CNTN3: variants seen among roughly 807,000 people sequenced by gnomAD.
CNTN3 encodes the protein contactin 3.
CNTN3 carries 60 observed loss-of-function variants against 119.1 expected under a neutral mutation model. The observed-to-expected ratio is 0.50, with a 90% CI of 0.41 to 0.62. The LOEUF is 0.62. CNTN3 is among the 20% of genes least tolerant of loss of function. The probability of loss-of-function intolerance (pLI) is 0.00; values close to 1 mark genes in which losing one functional copy is unlikely to be tolerated. For synonymous variants in CNTN3, 450 were observed against 438.7 expected (o/e 1.03, Z -0.32); for missense variants, 1,101 against 1,242.4 (o/e 0.89, Z 1.71).
At position 74,432,133 on chromosome 3, in the gene CNTN3, G is replaced by C. The variant is rs144912875; in HGVS notation, c.359-7193C>G. On this transcript the variant is annotated intron_variant, in intron 4 of 22. Transcript: ENST00000263665. ...ACATCATTACATGAACAGTGTAAAT[G>C]ACAAGATTGCCTTTGAAAGAATCAG... Among the ~76,000 whole-genome samples the C allele has an allele frequency of 2.1e-3, 324 of 152,254 alleles. 1 individual carries two copies. Among genetic ancestry groups the C allele is most frequent in the African/African-American group, 7.4e-3 (308 of 41,546 alleles).
intron 13 of CNTN3, among the ~76,000 whole-genome samples, chr3:74,315,559 A>G (rs1027555454): frequency 6.6e-6 from 1 of 152,204 alleles, no homozygotes; most frequent in African/African-American, 2.4e-5. Flanking sequence ...TACCTTAAAA[A>G]TGTAAATGTA....
chr3:74,263,236 A>G lies in CNTN3; in HGVS notation c.*1165T>C, dbSNP rs1701608370. 1 of 152,144 alleles carries G rather than the reference A, an allele frequency of 6.6e-6. No homozygotes were observed. The highest frequency in any genetic ancestry group is 2.4e-5 in the African/African-American group (1 of 41,442). 9.4% of individuals were successfully genotyped at this position (152,144 alleles called of 1,614,324 possible). A position where few individuals can be genotyped will look rare whatever the true frequency, so the allele number is the denominator to read the frequency against. ...CATATTGAAAGACTGAGTCATACAT[A>G]TCAAAGTCAGCAGCATTGCCTTGGT... On this transcript the variant is annotated 3_prime_UTR_variant, in exon 23 of 23. Transcript: ENST00000263665.
chr3:74,422,950 G>A (rs759317135), intron 5 of CNTN3, among the ~76,000 whole-genome samples: 1 of 152,088 alleles, frequency 6.6e-6, no homozygotes, highest in Non-Finnish European at 1.5e-5. Flanking sequence ...AAAAAAGGCT[G>A]ATTCTAAAAG....
At chr3:74,507,626 C>CTTTTTTT (rs59540461) in intron 2 of CNTN3, among the ~76,000 whole-genome samples, 4 of 103,632 alleles carry the variant, frequency 3.9e-5, no homozygotes, top group Non-Finnish European at 5.5e-5. Context: ...TTCTTTCTTT[C>CTTTTTTT]TTTTTTTTTT....
intron 1 of CNTN3, among the ~76,000 whole-genome samples, chr3:74,522,758 T>C (rs1414189965): frequency 3.3e-5 from 5 of 150,188 alleles, no homozygotes; most frequent in African/African-American, 1.2e-4. Flanking sequence ...ACTAGGGCAG[T>C]AAATAACTCC....
At chr3:74,357,487 T>G (rs1173327872) in intron 11 of CNTN3, among the ~76,000 whole-genome samples, 1 of 151,860 alleles carries the variant, frequency 6.6e-6, no homozygotes, top group East Asian at 1.9e-4. Flanking sequence ...TTCTCCATGT[T>G]GGTTGGGCTG....
intron 1 of CNTN3, among the ~76,000 whole-genome samples, chr3:74,528,341 G>C (rs542231609): frequency 6.6e-6 from 1 of 151,876 alleles, no homozygotes; most frequent in Admixed American, 6.6e-5. Context: ...TTTCTGCAAA[G>C]ACAATTTTGC....
chr3:74,421,215 G>T (rs561228755), intron 5 of CNTN3, among the ~76,000 whole-genome samples: 1 of 152,080 alleles, frequency 6.6e-6, no homozygotes, highest in East Asian at 1.9e-4. Context: ...CTGTTGCCCA[G>T]GCTGGAGTGC....
At chr3:74,379,122 T>C (rs141559652) in intron 5 of CNTN3, among the ~76,000 whole-genome samples, 1 of 152,294 alleles carries the variant, frequency 6.6e-6, no homozygotes, top group African/African-American at 2.4e-5. Context: ...TTTCACCACA[T>C]TGTGACTCTA....
At chr3:74,356,976 T>A (rs1451065376) in intron 11 of CNTN3, among the ~76,000 whole-genome samples, 1 of 152,084 alleles carries the variant, frequency 6.6e-6, no homozygotes, top group Non-Finnish European at 1.5e-5. Context: ...CAGGCTGGAG[T>A]GCAGTGGCAT....
intron 20 of CNTN3, among the ~76,000 whole-genome samples, chr3:74,276,667 G>A (rs1447371259): frequency 6.6e-6 from 1 of 151,774 alleles, no homozygotes; most frequent in African/African-American, 2.4e-5. Flanking sequence ...TCTAAAAACC[G>A]ACATAAAAAA....
chr3:74,354,796 T>C (rs775583170), intron 11 of CNTN3, among the ~76,000 whole-genome samples: 1 of 152,040 alleles, frequency 6.6e-6, no homozygotes, highest in Non-Finnish European at 1.5e-5. Context: ...TTTAGAATAG[T>C]TGAGCACCAG....
chr3:74,273,824 G>T (rs955232793), intron 20 of CNTN3, among the ~76,000 whole-genome samples: 1 of 152,174 alleles, frequency 6.6e-6, no homozygotes. Context: ...GAACCTGGGG[G>T]AGAGAGTGAA....
chr3:74,433,036 G>A (rs1701810539), intron 4 of CNTN3, among the ~76,000 whole-genome samples: 1 of 152,182 alleles, frequency 6.6e-6, no homozygotes, highest in Admixed American at 6.5e-5. Context: ...CTTAGAGGCA[G>A]TGGGGAAGGA....
intron 1 of CNTN3, among the ~76,000 whole-genome samples, 146 bp downstream of exon 1, chr3:74,614,245 C>A (rs1705130997): frequency 6.6e-6 from 1 of 152,202 alleles, no homozygotes; most frequent in Admixed American, 6.5e-5. Flanking sequence ...AGAGAAGCAT[C>A]TTTTATTCTC....
chr3:74,489,308 T>G (rs1298122583), intron 3 of CNTN3, among the ~76,000 whole-genome samples: 1 of 152,132 alleles, frequency 6.6e-6, no homozygotes, highest in Admixed American at 6.6e-5. Context: ...AACCATGGAC[T>G]GCCTACAGTA....
chr3:74,296,942 A>T (rs1702350765), intron 18 of CNTN3, among the ~76,000 whole-genome samples: 1 of 151,776 alleles, frequency 6.6e-6, no homozygotes, highest in African/African-American at 2.4e-5. Flanking sequence ...GCAATTTTGC[A>T]TAATTCTTTT....
At chr3:74,303,427 T>C (rs1194619540) in intron 13 of CNTN3, among the ~76,000 whole-genome samples, 2 of 152,110 alleles carry the variant, frequency 1.3e-5, no homozygotes, top group Admixed American at 6.5e-5. Flanking sequence ...GCACGGTGGC[T>C]CAAGTCTGTA....
chr3:74,328,559 T>G (rs1300321297), intron 13 of CNTN3, among the ~76,000 whole-genome samples: 1 of 152,196 alleles, frequency 6.6e-6, no homozygotes, highest in Non-Finnish European at 1.5e-5. Flanking sequence ...CTTGTAAATT[T>G]AAGTCTACCT....
Sources: gnomAD v4.1 joint callset for allele counts (sites outside exome capture counted in the v4.1 genomes callset) on GRCh38, gnomAD v4.1.1 for gene constraint, MANE v1.5 for transcripts, NCBI Gene and HGNC (gene_info 2026-07-23, HGNC 2026-07-21) for gene names.